The following ENOX1 variants were observed in gnomAD, a reference collection of about 807,000 sequenced individuals.
ENOX1 encodes candidate growth-related and time keeping constitutive hydroquinone (NADH) oxidase.
In ENOX1, 42 loss-of-function variants were observed where a neutral mutation model predicts 82.5. That is an observed-to-expected ratio of 0.51 (90% CI 0.40 to 0.66). The LOEUF is 0.66. Among genes scored for constraint, ENOX1 ranks in the 30% least tolerant of loss-of-function variants. The probability of loss-of-function intolerance (pLI) is 0.00; values close to 1 mark genes in which losing one functional copy is unlikely to be tolerated. For synonymous variants in ENOX1, 271 were observed against 282.2 expected, an observed-to-expected ratio of 0.96 and a Z score of 0.40; for missense variants, 608 against 811.6, an observed-to-expected ratio of 0.75 and a Z score of 3.05.
chr13:43,391,151 G>A (rs974721102), intron 5 of ENOX1, among the ~76,000 whole-genome samples: 2 of 152,016 alleles, frequency 1.3e-5, no homozygotes, highest in African/African-American at 4.8e-5. Context: ...CCCCTCAGAA[G>A]AAATCAATCA....
intron 3 of ENOX1, among the ~76,000 whole-genome samples, chr13:43,423,966 C>T (rs1263339983): frequency 6.6e-6 from 1 of 152,112 alleles, no homozygotes; most frequent in Non-Finnish European, 1.5e-5. Context: ...ACTCCTGAGA[C>T]AGAGCAAGAG....
At chr13:43,347,580 G>A (rs551948200) in intron 8 of ENOX1, among the ~76,000 whole-genome samples, 1 of 152,314 alleles carries the variant, frequency 6.6e-6, no homozygotes, top group East Asian at 1.9e-4. Flanking sequence ...GATGGCTACA[G>A]GAGGATATTG....
chr13:43,507,296 A>G lies in ENOX1; in HGVS notation c.-218-23144T>C, dbSNP rs201726185. 2.8e-4 allele frequency among the ~76,000 whole-genome samples: 42 copies of G among 152,056 alleles called. No individual in the cohort carries two copies. In the East Asian group the frequency reaches 6.6e-3, roughly 24 times the overall value. ...ATTCAAAAGAAATTTCCACAAGTGAAGGTCAGGTGTTTTCAAAATTAAAGG... is the reference window on the plus strand; with the variant it reads ...ATTCAAAAGAAATTTCCACAAGTGAGGGTCAGGTGTTTTCAAAATTAAAGG... On this transcript the variant is annotated intron_variant, in intron 2 of 16. Coordinates refer to ENST00000690772, the MANE Select transcript of ENOX1 (RefSeq NM_001347969.2).
intron 2 of ENOX1, among the ~76,000 whole-genome samples, chr13:43,548,651 C>T (rs1040521470): frequency 1.3e-5 from 2 of 152,188 alleles, no homozygotes; most frequent in East Asian, 1.9e-4. Context: ...GGTCCACATG[C>T]CATCCCTGTG....
intron 11 of ENOX1, among the ~76,000 whole-genome samples, chr13:43,306,415 T>TA (rs956514266): frequency 2.0e-5 from 3 of 152,098 alleles, no homozygotes; most frequent in African/African-American, 4.8e-5. Flanking sequence ...TAGGGCCATT[T>TA]AAAAAAAATC....
intron 2 of ENOX1, among the ~76,000 whole-genome samples, chr13:43,486,362 CAAGT>C (rs2076417314): frequency 6.6e-6 from 1 of 151,270 alleles, no homozygotes; most frequent in African/African-American, 2.4e-5. Flanking sequence ...CGGGCCTGGG[CAAGT>C]AAGTGAGACT....
chr13:43,323,641 CAG>C (rs2047938955), intron 10 of ENOX1, among the ~76,000 whole-genome samples: 5 of 152,294 alleles, frequency 3.3e-5, no homozygotes, highest in Admixed American at 2.6e-4. Flanking sequence ...ATACTTAAAA[CAG>C]GGGAAGCCTC....
At chr13:43,343,126 ACTT>A (rs1300441591) in intron 9 of ENOX1, among the ~76,000 whole-genome samples, 1 of 152,206 alleles carries the variant, frequency 6.6e-6, no homozygotes, top group African/African-American at 2.4e-5. Flanking sequence ...CAGGCATATG[ACTT>A]CTTACCATAA....
intron 2 of ENOX1, among the ~76,000 whole-genome samples, chr13:43,627,808 C>G (rs761672544): frequency 7.2e-5 from 11 of 151,926 alleles, no homozygotes; most frequent in Non-Finnish European, 1.5e-5. Context: ...TTTAAGGTGA[C>G]TAAATCCCTT....
chr13:43,265,077 C>T (rs974261968), intron 14 of ENOX1, among the ~76,000 whole-genome samples: 4 of 152,298 alleles, frequency 2.6e-5, no homozygotes, highest in African/African-American at 9.6e-5. Flanking sequence ...AACTGATTAC[C>T]CTGTCGGGTC....
intron 3 of ENOX1, among the ~76,000 whole-genome samples, chr13:43,441,081 CA>C (rs913744708): frequency 3.3e-5 from 5 of 151,862 alleles, no homozygotes; most frequent in African/African-American, 1.2e-4. Context: ...CCATGAAAGA[CA>C]AAAAAAGACT....
At chr13:43,434,937 G>GTTTGTTTTTTTTTTTTTTTTTTTTTT (rs1555273075) in intron 3 of ENOX1, among the ~76,000 whole-genome samples, 1 of 75,910 alleles carries the variant, frequency 1.3e-5, no homozygotes, top group Non-Finnish European at 2.5e-5. Context: ...TGTGTGTGTG[G>GTTTGTTTTTTTTTTTTTTTTTTTTTT]TTTTTTTTTT....
chr13:43,747,701 C>T (rs1950099800), intron 1 of ENOX1, among the ~76,000 whole-genome samples: 1 of 152,200 alleles, frequency 6.6e-6, no homozygotes, highest in Non-Finnish European at 1.5e-5. Context: ...GAGGCAAAAA[C>T]ATTTTGAGGA....
At chr13:43,705,698 T>C (rs1215117182) in intron 1 of ENOX1, among the ~76,000 whole-genome samples, 3 of 151,876 alleles carry the variant, frequency 2.0e-5, no homozygotes, top group African/African-American at 7.3e-5. Context: ...GGGGAAAAAA[T>C]AGAAACCATT....
In ENOX1 at chr13:43,477,869, CT is replaced by C. The variant is rs1301025890; in HGVS notation, c.-75+6139del. ...CTGGGCAACATTGCAATTAATATTA[CT>C]TTTTTAAGCTCCTCGCAAAGACTTC... On this transcript the variant is annotated intron_variant, in intron 3 of 16. Transcript: ENST00000690772. 3.9e-5 allele frequency among the ~76,000 whole-genome samples: 6 copies of C among 152,186 alleles called. 1 individual carries two copies. The highest frequency in any genetic ancestry group is 1.4e-4 in the African/African-American group (6 of 41,524).
intron 3 of ENOX1, among the ~76,000 whole-genome samples, chr13:43,443,730 G>C (rs1425432719): frequency 6.6e-6 from 1 of 152,208 alleles, no homozygotes; most frequent in East Asian, 1.9e-4. Context: ...TGCATGTAGG[G>C]AGAGTGGAAG....
chr13:43,487,360 G>C (rs996835494), intron 2 of ENOX1, among the ~76,000 whole-genome samples: 1 of 152,102 alleles, frequency 6.6e-6, no homozygotes, highest in Non-Finnish European at 1.5e-5. Flanking sequence ...TAAACAGAGA[G>C]ACATGATTAG....
intron 5 of ENOX1, among the ~76,000 whole-genome samples, chr13:43,380,234 T>A (rs907899732): frequency 2.0e-5 from 3 of 151,626 alleles, no homozygotes; most frequent in African/African-American, 7.3e-5. Context: ...ATAAAGAATA[T>A]CGGAAATGGC....
chr13:43,505,827 A>ATGCCTATGTCCTGAATGGTAT (rs1262725947), intron 2 of ENOX1, among the ~76,000 whole-genome samples: 1 of 152,060 alleles, frequency 6.6e-6, no homozygotes, highest in Non-Finnish European at 1.5e-5. Flanking sequence ...GTCCTTGCCC[A>ATGCCTATGTCCTGAATGGTAT]TGCCTATGTC....
Sources: allele counts gnomAD v4.1 joint callset (sites outside exome capture counted in the v4.1 genomes callset), GRCh38; gene constraint gnomAD v4.1.1; transcripts MANE v1.5; gene names NCBI Gene and HGNC (gene_info 2026-07-23, HGNC 2026-07-21).